The following CACNG6 variants were observed in gnomAD, a reference collection of about 807,000 sequenced individuals.
CACNG6 encodes calcium voltage-gated channel auxiliary subunit gamma 6.
A neutral mutation model predicts 23.9 loss-of-function variants in CACNG6; 21 were observed. The ratio of observed to expected loss-of-function variants is 0.88; its 90% CI spans 0.62 to 1.26. The LOEUF is 1.26. Ranked by LOEUF, CACNG6 falls within the 50% of genes most tolerant of loss-of-function variation. The probability of loss-of-function intolerance (pLI) is 0.00; values close to 1 mark genes in which losing one functional copy is unlikely to be tolerated. For synonymous variants in CACNG6, 182 were observed against 168.9 expected, an observed-to-expected ratio of 1.08 and a Z score of -0.60; for missense variants, 340 against 352.9, an observed-to-expected ratio of 0.96 and a Z score of 0.29.
chr19:53,997,213 A>G lies in CACNG6; in HGVS notation c.332-1026A>G, dbSNP rs115988992. Among the ~76,000 whole-genome samples the G allele has an allele frequency of 9.4e-3, 1,438 of 152,192 alleles. 23 individuals are homozygous for G. The highest frequency in any genetic ancestry group is 0.032 in the African/African-American group (1,335 of 41,516). On this transcript the variant is annotated intron_variant, in intron 1 of 3. Transcript: ENST00000252729. Reference sequence around the variant, plus strand: ...AATTAAATTATTAATATTAATTATCATTATTGTTTTGATCAACACTGTGTT... The same window carrying G: ...AATTAAATTATTAATATTAATTATCGTTATTGTTTTGATCAACACTGTGTT...
upstream of CACNG6, among the ~76,000 whole-genome samples, chr19:53,991,613 C>G (rs2069460064): frequency 1.3e-5 from 2 of 149,602 alleles, 1 homozygote; most frequent in South Asian, 4.2e-4. Flanking sequence ...CGGGTGGGGA[C>G]GAGGCCGGGC....
chr19:54,009,054 C>T (rs1350072791), intron 3 of CACNG6, among the ~76,000 whole-genome samples: 4 of 152,094 alleles, frequency 2.6e-5, no homozygotes, highest in Non-Finnish European at 5.9e-5. Context: ...TATGGGAGGC[C>T]AAGGTGAGTG....
intron 3 of CACNG6, among the ~76,000 whole-genome samples, chr19:54,010,747 T>TTA (rs2069697497): frequency 1.3e-5 from 2 of 151,886 alleles, no homozygotes; most frequent in South Asian, 4.2e-4. Flanking sequence ...GCTAATTTTT[T>TTA]AAAATTTTTT....
At chr19:54,010,172 C>T (rs2069691214) in intron 3 of CACNG6, among the ~76,000 whole-genome samples, 1 of 151,602 alleles carries the variant, frequency 6.6e-6, no homozygotes, top group Non-Finnish European at 1.5e-5. Flanking sequence ...AGGTGCACAC[C>T]ACCACGCCCA....
chr19:53,992,969 T>C lies in CACNG6; in HGVS notation c.92T>C (p.Leu31Pro). 7.0e-7 allele frequency: 1 copy of C among 1,434,030 alleles called. No individual in the cohort carries two copies. The highest frequency in any genetic ancestry group is 3.0e-5 in the Admixed American group (1 of 32,806). The allele number at this position is 1,434,030 out of a possible 1,614,324, so 88.8% of individuals were successfully genotyped here. A position where few individuals can be genotyped will look rare whatever the true frequency, so the allele number is the denominator to read the frequency against. ...RRAHGQGRSG[L>P]TPEREGKVKL... ...GCGCACGGGCAGGGCAGGTCGGGGC[T>C]GACGCCCGAGCGCGAGGGGAAGGTG... is the stretch of plus-strand genomic sequence containing the variant. Residue 31 changes from leucine (L) to proline (P), a missense_variant, in exon 1 of 4, where the codon CTG becomes CCG. Coordinates refer to ENST00000252729, the MANE Select transcript of CACNG6 (RefSeq NM_145814.2). The surrounding 1 kb of genome is among the most constrained non-coding windows in gnomAD (Gnocchi z 4.1).
In CACNG6 at chr19:54,012,147, C is replaced by A; in HGVS notation, c.741C>A (p.Pro247=). ...TGCTGCTCACACTGCCTTCCTGGCC[C>A]TGGGGGTCCCTCTGTCCCAAGCGGG... The part of the protein sequence containing the change: ...CFLLLTLPSW[P]WGSLCPKRGH... The change falls in exon 4 of 4, where the codon CCC becomes CCA. Residue 247 remains proline (P), a synonymous_variant. Coordinates refer to ENST00000252729, the MANE Select transcript of CACNG6 (RefSeq NM_145814.2). 6.6e-7 allele frequency: 1 copy of A among 1,518,206 alleles called. No homozygotes were observed. Among genetic ancestry groups the A allele is most frequent in the Non-Finnish European group, 8.8e-7 (1 of 1,132,730 alleles). 94.0% of individuals were successfully genotyped at this position (1,518,206 alleles called of 1,614,324 possible). A position where few individuals can be genotyped will look rare whatever the true frequency, so the allele number is the denominator to read the frequency against.
At chr19:54,011,205 AATAT>A (rs1555819785) in intron 3 of CACNG6, among the ~76,000 whole-genome samples, 8 of 102,536 alleles carry the variant, frequency 7.8e-5, no homozygotes, top group Admixed American at 3.5e-4. Context: ...AAAAAAAAAA[AATAT>A]ATATATATAT....
chr19:54,011,227 T>TATATATATATATATATATAC (rs1442985544), intron 3 of CACNG6, among the ~76,000 whole-genome samples: 18 of 95,262 alleles, frequency 1.9e-4, no homozygotes, highest in African/African-American at 6.9e-4. Flanking sequence ...TATATATATA[T>TATATATATATATATATATAC]ACACACACAC....
intron 3 of CACNG6, among the ~76,000 whole-genome samples, chr19:54,010,200 G>C (rs548720509): frequency 4.7e-4 from 71 of 151,926 alleles, no homozygotes; most frequent in African/African-American, 1.7e-3. Flanking sequence ...TTGTAGTAGA[G>C]ATAGGGTTTC....
At chr19:54,011,205 A>AAAAAATATAT (rs58054808) in intron 3 of CACNG6, among the ~76,000 whole-genome samples, 44 of 102,466 alleles carry the variant, frequency 4.3e-4, no homozygotes, top group African/African-American at 2.1e-3. Context: ...AAAAAAAAAA[A>AAAAAATATAT]ATATATATAT....
chr19:53,994,930 A>G (rs1320206780), intron 1 of CACNG6, among the ~76,000 whole-genome samples: 1 of 152,224 alleles, frequency 6.6e-6, no homozygotes, highest in African/African-American at 2.4e-5. Context: ...GTCCCCAGTA[A>G]TAAGAATAGT....
intron 2 of CACNG6, among the ~76,000 whole-genome samples, chr19:53,998,762 C>T (rs986582130): frequency 2.0e-5 from 3 of 152,106 alleles, no homozygotes; most frequent in Non-Finnish European, 4.4e-5. Context: ...TCCCTCTCCT[C>T]AGCCTCCCAA....
chr19:53,996,893 G>T, intron 1 of CACNG6, among the ~76,000 whole-genome samples: 1 of 130,326 alleles, frequency 7.7e-6, no homozygotes, highest in Non-Finnish European at 1.6e-5. Context: ...TTTTGAGATG[G>T]GATCTCACTC....
rs765689814 is a variant in CACNG6, at chr19:53,998,304, A to G, written c.397A>G (p.Thr133Ala). The change falls in exon 2 of 4, where the codon ACA (threonine) becomes GCA (alanine). Residue 133 changes from threonine (T) to alanine (A), a missense_variant. By Grantham distance (58) the Thr-to-Ala change is moderately conservative. Coordinates refer to ENST00000252729, the MANE Select transcript of CACNG6 (RefSeq NM_145814.2). ...GAATGCACGCATCTTTCAGAGAACC[A>G]CAAAGAAAGGTGAGAACTTTTCACC... The part of the protein sequence containing the change: ...GENARIFQRT[T>A]KKEVNLAAAV... The G allele has an allele frequency of 1.9e-6, 3 of 1,613,744 alleles. No individual in the cohort carries two copies. In the African/African-American group the frequency reaches 4.0e-5, roughly 22 times the overall value.
chr19:53,998,079 C>T (rs1470647351), intron 1 of CACNG6, among the ~76,000 whole-genome samples, 160 bp from the exon 2 acceptor site: 2 of 152,070 alleles, frequency 1.3e-5, no homozygotes, highest in African/African-American at 2.4e-5. Flanking sequence ...AGTGTGGTCG[C>T]AGGTGGCTTT....
upstream of CACNG6, among the ~76,000 whole-genome samples, chr19:53,991,475 C>T (rs932407892): frequency 6.6e-6 from 1 of 152,132 alleles, no homozygotes; most frequent in Non-Finnish European, 1.5e-5. Context: ...CCTCCCTCCC[C>T]CCTTCCTCGT....
Position 54,012,153 on chromosome 19 carries a change from G to T in CACNG6, c.747G>T (p.Gly249=), listed in dbSNP as rs1350898681. The change falls in exon 4 of 4, where the codon GGG becomes GGT. Residue 249 remains glycine, a synonymous_variant. Coordinates refer to ENST00000252729, the MANE Select transcript of CACNG6 (RefSeq NM_145814.2). The part of the protein sequence containing the change: ...LLLTLPSWPW[G]SLCPKRGHRA... ...TCACACTGCCTTCCTGGCCCTGGGG[G>T]TCCCTCTGTCCCAAGCGGGGGCACC... 1.3e-6 allele frequency: 2 copies of T among 1,491,236 alleles called. No homozygotes were observed. The highest frequency in any genetic ancestry group is 1.4e-5 in the African/African-American group (1 of 69,940). 92.4% of individuals were successfully genotyped at this position (1,491,236 alleles called of 1,614,324 possible). A position where few individuals can be genotyped will look rare whatever the true frequency, so the allele number is the denominator to read the frequency against.
At position 53,991,797 on chromosome 19, in the gene CACNG6, C is replaced by A. The variant is rs2069463050; in HGVS notation, c.-1081C>A. 6.6e-6 allele frequency among the ~76,000 whole-genome samples: 1 copy of A among 152,104 alleles called. No individual in the cohort carries two copies. Among genetic ancestry groups the A allele is most frequent in the Non-Finnish European group, 1.5e-5 (1 of 67,994 alleles). On this transcript the variant is annotated 5_prime_UTR_variant, in exon 1 of 4. Coordinates refer to ENST00000252729, the MANE Select transcript of CACNG6 (RefSeq NM_145814.2). ...GGCCTGGGGCTGAGCCTGGCGCGAA[C>A]CCGACCGGGAAGGCCCTGGGAGCCC...
intron 1 of CACNG6, among the ~76,000 whole-genome samples, chr19:53,996,952 T>C (rs1203037958): frequency 7.3e-6 from 1 of 137,888 alleles, no homozygotes; most frequent in African/African-American, 2.8e-5. Context: ...CACTGCAACC[T>C]CTGCCTCCCA....
Sources: allele counts gnomAD v4.1 joint callset (sites outside exome capture counted in the v4.1 genomes callset), GRCh38; gene constraint gnomAD v4.1.1; non-coding constraint Gnocchi (gnomAD v3.1); transcripts MANE v1.5; gene names NCBI Gene and HGNC (gene_info 2026-07-23, HGNC 2026-07-21).